SLAIN2: variants seen among roughly 807,000 people sequenced by gnomAD.
SLAIN2 encodes the protein SLAIN motif-containing protein 2.
In SLAIN2, 31 loss-of-function variants were observed where a neutral mutation model predicts 56.6. That is an observed-to-expected ratio of 0.55 (90% CI 0.41 to 0.74). The LOEUF (loss-of-function observed/expected upper bound fraction) is 0.74. Ranked by LOEUF, SLAIN2 falls within the 30% of genes least tolerant of loss-of-function variation. The probability of loss-of-function intolerance (pLI) is 0.00; values close to 1 mark genes in which losing one functional copy is unlikely to be tolerated. For missense variants in SLAIN2, 777 were observed against 754.2 expected (o/e 1.03, Z -0.35); for synonymous variants, 317 against 284.9 (o/e 1.11, Z -1.13).
At chr4:48,405,698 A>T (rs138435084) in intron 6 of SLAIN2, among the ~76,000 whole-genome samples, 1 of 152,132 alleles carries the variant, frequency 6.6e-6, no homozygotes, top group African/African-American at 2.4e-5. Context: ...GCAGTCATTG[A>T]TGTGTAATGC....
intron 1 of SLAIN2, among the ~76,000 whole-genome samples, chr4:48,353,839 A>T (rs963516448): frequency 1.3e-5 from 2 of 152,224 alleles, no homozygotes; most frequent in African/African-American, 4.8e-5. Flanking sequence ...TGGGGCCTAG[A>T]CTAGAGCAAG....
chr4:48,405,179 C>T (rs1296620267), intron 6 of SLAIN2, among the ~76,000 whole-genome samples: 1 of 152,164 alleles, frequency 6.6e-6, no homozygotes, highest in African/African-American at 2.4e-5. Flanking sequence ...ATACGGCAAA[C>T]GCCCTTACCA....
chr4:48,363,863 A>T (rs1185761082), intron 1 of SLAIN2, among the ~76,000 whole-genome samples: 1 of 128,706 alleles, frequency 7.8e-6, no homozygotes, highest in East Asian at 2.5e-4. Flanking sequence ...ACTTCCCAGT[A>T]GGGGCGGCCG....
At chr4:48,407,745 G>T (rs1434228924) in intron 6 of SLAIN2, among the ~76,000 whole-genome samples, 1 of 151,834 alleles carries the variant, frequency 6.6e-6, no homozygotes, top group Admixed American at 6.6e-5. Context: ...GTACTATTTG[G>T]TGTTTTTTAG....
At chr4:48,374,045 A>C (rs1029074811) in intron 2 of SLAIN2, among the ~76,000 whole-genome samples, 1 of 152,162 alleles carries the variant, frequency 6.6e-6, no homozygotes, top group African/African-American at 2.4e-5. Flanking sequence ...TCTCAGAAAA[A>C]GGAGATGGAG....
chr4:48,421,919 C>G lies in SLAIN2; in HGVS notation c.1680-92C>G. On this transcript the variant is annotated intron_variant, in intron 7 of 7. Transcript: ENST00000264313. Reference sequence around the variant, plus strand: ...CGGCCTTCATGGGATCGTGATGCCACCTGAAGAGTAATTAATATATGTGTG... The same window carrying G: ...CGGCCTTCATGGGATCGTGATGCCAGCTGAAGAGTAATTAATATATGTGTG... 5 of 1,060,602 alleles carry G rather than the reference C, an allele frequency of 4.7e-6. 1 individual carries two copies. The South Asian group carries it at 7.0e-5, about 15-fold the overall frequency. The allele number at this position is 1,060,602 out of a possible 1,614,324, so 65.7% of individuals were successfully genotyped here.
At chr4:48,349,572 A>G (rs1207382657) in intron 1 of SLAIN2, among the ~76,000 whole-genome samples, 1 of 152,250 alleles carries the variant, frequency 6.6e-6, no homozygotes, top group Non-Finnish European at 1.5e-5. Flanking sequence ...GTAGGATTAC[A>G]GAAGCACTTT....
chr4:48,344,755 A>G (rs1714818869), intron 1 of SLAIN2, among the ~76,000 whole-genome samples: 1 of 152,068 alleles, frequency 6.6e-6, no homozygotes, highest in Non-Finnish European at 1.5e-5. Flanking sequence ...TCAGGAATTC[A>G]CATGTATCTG....
chr4:48,381,425 T>TA (rs1348079631), intron 4 of SLAIN2, among the ~76,000 whole-genome samples: 1 of 152,172 alleles, frequency 6.6e-6, no homozygotes, highest in Non-Finnish European at 1.5e-5. Context: ...AATGTAGAAC[T>TA]ACAGATTTGG....
intron 6 of SLAIN2, among the ~76,000 whole-genome samples, chr4:48,419,827 G>A (rs1176227111): frequency 6.6e-6 from 1 of 152,140 alleles, no homozygotes; most frequent in Non-Finnish European, 1.5e-5. Flanking sequence ...CACATTAGTT[G>A]CTACTGTGAG....
At chr4:48,375,965 C>T (rs1332491573) in intron 2 of SLAIN2, among the ~76,000 whole-genome samples, 2 of 152,244 alleles carry the variant, frequency 1.3e-5, no homozygotes, top group African/African-American at 2.4e-5. Flanking sequence ...ACTCCTAACT[C>T]TTCCTTTCCA....
At chr4:48,394,462 G>T in intron 6 of SLAIN2, 4 of 752,588 alleles carry the variant, frequency 5.3e-6, no homozygotes, top group South Asian at 1.9e-5. Context: ...GCACCTTATG[G>T]CTTCTGTTCT....
At chr4:48,349,725 A>G (rs1714962331) in intron 1 of SLAIN2, among the ~76,000 whole-genome samples, 1 of 152,222 alleles carries the variant, frequency 6.6e-6, no homozygotes. Context: ...ATATAACATG[A>G]TACATTAGAA....
chr4:48,397,650 G>A (rs1560462043), intron 6 of SLAIN2, among the ~76,000 whole-genome samples: 1 of 152,066 alleles, frequency 6.6e-6, no homozygotes, highest in Non-Finnish European at 1.5e-5. Context: ...TCTTCCTGAT[G>A]CTGTCCCTTC....
At chr4:48,417,822 A>T (rs1320156802) in intron 6 of SLAIN2, among the ~76,000 whole-genome samples, 1 of 151,894 alleles carries the variant, frequency 6.6e-6, no homozygotes, top group Non-Finnish European at 1.5e-5. Flanking sequence ...AAAAACTCTC[A>T]ATAAATTAGG....
At chr4:48,403,341 C>T (rs917129673) in intron 6 of SLAIN2, among the ~76,000 whole-genome samples, 3 of 151,996 alleles carry the variant, frequency 2.0e-5, no homozygotes, top group Non-Finnish European at 4.4e-5. Flanking sequence ...ACAGAGACAG[C>T]GGTCGCTCCT....
intron 6 of SLAIN2, among the ~76,000 whole-genome samples, chr4:48,399,693 T>C (rs1716496097): frequency 6.6e-6 from 1 of 152,308 alleles, no homozygotes; most frequent in South Asian, 2.1e-4. Flanking sequence ...ACATAGTATA[T>C]TGAGAGTTTT....
intron 6 of SLAIN2, among the ~76,000 whole-genome samples, chr4:48,404,467 C>T (rs1716642031): frequency 6.6e-6 from 1 of 152,168 alleles, no homozygotes; most frequent in Non-Finnish European, 1.5e-5. Context: ...TCTCCTCTTA[C>T]AGTTGTGTTC....
At chr4:48,387,146 A>G (rs1387946664) in intron 6 of SLAIN2, among the ~76,000 whole-genome samples, 1 of 152,166 alleles carries the variant, frequency 6.6e-6, no homozygotes, top group Non-Finnish European at 1.5e-5. Flanking sequence ...TCTGTATTTG[A>G]ACTATTCTAG....
Sources: gnomAD v4.1 joint callset for allele counts (sites outside exome capture counted in the v4.1 genomes callset) on GRCh38, gnomAD v4.1.1 for gene constraint, MANE v1.5 for transcripts, NCBI Gene and HGNC (gene_info 2026-07-23, HGNC 2026-07-21) for gene names.